The following KCNQ3 variants were observed in gnomAD, a reference collection of about 807,000 sequenced individuals.
The protein encoded by KCNQ3 is potassium voltage-gated channel subfamily KQT member 3.
A neutral mutation model predicts 92.5 loss-of-function variants in KCNQ3; 30 were observed. That is an observed-to-expected ratio of 0.32 (90% CI 0.24 to 0.44). The LOEUF is 0.44. KCNQ3 is among the 20% of genes least tolerant of loss of function. KCNQ3 has a pLI of 1.00. For missense variants in KCNQ3, 913 were observed against 1,140.3 expected (o/e 0.80, Z 2.87); for synonymous variants, 450 against 468.8 (o/e 0.96, Z 0.52).
At chr8:132,285,435 T>C (rs1183881949) in intron 1 of KCNQ3, among the ~76,000 whole-genome samples, 1 of 152,244 alleles carries the variant, frequency 6.6e-6, no homozygotes, top group Admixed American at 6.5e-5. Context: ...ATGCACTGTG[T>C]CCATGCCCTA....
intron 1 of KCNQ3, among the ~76,000 whole-genome samples, chr8:132,192,487 G>A (rs373318596): frequency 1.3e-5 from 2 of 152,194 alleles, no homozygotes; most frequent in African/African-American, 4.8e-5. Context: ...GTCTTGACGT[G>A]AGAGCCGCCC....
chr8:132,478,181 A>G (rs1287808590), intron 1 of KCNQ3, among the ~76,000 whole-genome samples: 12 of 152,174 alleles, frequency 7.9e-5, no homozygotes, highest in Admixed American at 7.9e-4. Flanking sequence ...AGGTTTTGGC[A>G]TTATCAAATC....
At chr8:132,191,483 T>C (rs1338244067) in intron 1 of KCNQ3, among the ~76,000 whole-genome samples, 1 of 151,782 alleles carries the variant, frequency 6.6e-6, no homozygotes, top group African/African-American at 2.4e-5. Flanking sequence ...CCTATCTACC[T>C]ATCTATCCAC....
At chr8:132,143,487 T>C (rs1563770190) in intron 9 of KCNQ3, among the ~76,000 whole-genome samples, 1 of 152,166 alleles carries the variant, frequency 6.6e-6, no homozygotes, top group Non-Finnish European at 1.5e-5. Context: ...CATCTGAATG[T>C]TCAGTACGGC....
At chr8:132,287,256 G>A (rs1816704167) in intron 1 of KCNQ3, among the ~76,000 whole-genome samples, 1 of 152,186 alleles carries the variant, frequency 6.6e-6, no homozygotes, top group Admixed American at 6.5e-5. Context: ...CAAATAAGAT[G>A]CCTTTAAGGG....
chr8:132,121,297 A>G lies in KCNQ3; in HGVS notation c.*7965T>C, dbSNP rs1394460812. ...AAAAAGAAGGAAAAAAAATAGCCAT[A>G]TCCTATCTGAAGCAAGGCAGAGATC... On this transcript the variant is annotated 3_prime_UTR_variant, in exon 15 of 15. Coordinates refer to ENST00000388996, the MANE Select transcript of KCNQ3 (RefSeq NM_004519.4). The G allele has an allele frequency of 6.6e-6, 1 of 152,246 alleles. No homozygotes were observed. The highest frequency in any genetic ancestry group is 1.5e-5 in the Non-Finnish European group (1 of 68,042). The allele number at this position is 152,246 out of a possible 1,614,324, so 9.4% of individuals were successfully genotyped here. A position where few individuals can be genotyped will look rare whatever the true frequency, so the allele number is the denominator to read the frequency against.
At chr8:132,163,317 G>GC (rs1586787791) in intron 9 of KCNQ3, 151 bp downstream of exon 9, 1 of 727,020 alleles carries the variant, frequency 1.4e-6, no homozygotes, top group East Asian at 2.5e-5. Context: ...AGGAAACCAG[G>GC]CAGAGGACTA....
chr8:132,190,946 C>G (rs1383294963), intron 1 of KCNQ3, among the ~76,000 whole-genome samples: 3 of 152,192 alleles, frequency 2.0e-5, no homozygotes, highest in Admixed American at 2.0e-4. Context: ...TTGTTCCTCT[C>G]TGTATCTCAG....
At chr8:132,357,472 G>T (rs1819048917) in intron 1 of KCNQ3, among the ~76,000 whole-genome samples, 1 of 152,232 alleles carries the variant, frequency 6.6e-6, no homozygotes, top group African/African-American at 2.4e-5. Flanking sequence ...CAATGATTGT[G>T]CTGGCACCAG....
chr8:132,129,550 C>A lies in KCNQ3; in HGVS notation c.2331G>T (p.Arg777=). ...QGPYSDRISP[R]QRRSITRDSD... Reference sequence around the variant, plus strand: ...TGTCTCGCGTGATGCTACGTCTCTGCCGGGGGGAGATTCGGTCCGAGTAGG... The same window carrying A: ...TGTCTCGCGTGATGCTACGTCTCTGACGGGGGGAGATTCGGTCCGAGTAGG... The change falls in exon 15 of 15, where the codon CGG becomes CGT. Residue 777 remains arginine (R), a synonymous_variant. Coordinates refer to ENST00000388996, the MANE Select transcript of KCNQ3 (RefSeq NM_004519.4). The surrounding 1 kb of genome is among the most constrained non-coding windows in gnomAD (Gnocchi z 5.9). 4 of 1,614,162 alleles carry A rather than the reference C, an allele frequency of 2.5e-6. No homozygotes were observed. Among genetic ancestry groups the A allele is most frequent in the Non-Finnish European group, 3.4e-6 (4 of 1,180,026 alleles).
chr8:132,394,569 G>A (rs1215885696), intron 1 of KCNQ3, among the ~76,000 whole-genome samples: 1 of 152,010 alleles, frequency 6.6e-6, no homozygotes, highest in Non-Finnish European at 1.5e-5. Context: ...TGAAGGACCT[G>A]AGAGAACTTC....
intron 1 of KCNQ3, among the ~76,000 whole-genome samples, chr8:132,289,245 T>G (rs1279165087): frequency 6.6e-6 from 1 of 152,218 alleles, no homozygotes; most frequent in Non-Finnish European, 1.5e-5. Context: ...GGCATGCCAA[T>G]TTAAAATGTA....
At chr8:132,355,180 T>G (rs1818986111) in intron 1 of KCNQ3, among the ~76,000 whole-genome samples, 1 of 152,138 alleles carries the variant, frequency 6.6e-6, no homozygotes, top group Non-Finnish European at 1.5e-5. Flanking sequence ...TCCTTTACCT[T>G]AATGCAGAGC....
In KCNQ3 at chr8:132,127,360, G is replaced by A. The variant is rs1824705489; in HGVS notation, c.*1902C>T. ...GTCTGCCCTTGGCCTGGGACTTTGG[G>A]CTTTGGTTCTAAGTTCCTAAAGTCA... On this transcript the variant is annotated 3_prime_UTR_variant, in exon 15 of 15. Transcript: ENST00000388996. 1 of 152,230 alleles carries A rather than the reference G, an allele frequency of 6.6e-6. No homozygotes were observed. Among genetic ancestry groups the A allele is most frequent in the African/African-American group, 2.4e-5 (1 of 41,446 alleles). The allele number at this position is 152,230 out of a possible 1,614,324, so 9.4% of individuals were successfully genotyped here.
chr8:132,192,203 G>T (rs1159484709), intron 1 of KCNQ3, among the ~76,000 whole-genome samples: 1 of 152,162 alleles, frequency 6.6e-6, no homozygotes, highest in Non-Finnish European at 1.5e-5. Flanking sequence ...GCCAGGAGGG[G>T]GCAGCAGAGG....
intron 1 of KCNQ3, among the ~76,000 whole-genome samples, chr8:132,316,756 C>T (rs185429441): frequency 2.8e-3 from 419 of 152,304 alleles, no homozygotes; most frequent in African/African-American, 9.5e-3. Flanking sequence ...GGCAGTTCTA[C>T]GAACCAGACA....
chr8:132,253,949 GCATAAA>G lies in KCNQ3; in HGVS notation c.387-67774_387-67769del, dbSNP rs1328606222. 5.9e-5 allele frequency among the ~76,000 whole-genome samples: 9 copies of G among 152,306 alleles called. No homozygotes were observed. In the East Asian group the frequency reaches 1.7e-3, roughly 29 times the overall value. On this transcript the variant is annotated intron_variant, in intron 1 of 14. Transcript: ENST00000388996. ...GTTACCCACATTCTAAAGTTCAAGT[GCATAAA>G]CAGCCCAGGTGGAGAAAGCAGATGG...
intron 1 of KCNQ3, chr8:132,321,398 G>C (rs917610654): frequency 1.2e-4 from 19 of 152,432 alleles, no homozygotes; most frequent in Admixed American, 1.2e-3. Flanking sequence ...GGTGGATCAC[G>C]AACACTATTT....
chr8:132,355,892 T>C (rs1278653652), intron 1 of KCNQ3, among the ~76,000 whole-genome samples: 2 of 152,204 alleles, frequency 1.3e-5, no homozygotes, highest in East Asian at 1.9e-4. Flanking sequence ...ACTCCAAAGA[T>C]TGCATGGATT....
Sources: allele counts gnomAD v4.1 joint callset (sites outside exome capture counted in the v4.1 genomes callset), GRCh38; gene constraint gnomAD v4.1.1; non-coding constraint Gnocchi (gnomAD v3.1); transcripts MANE v1.5; gene names NCBI Gene and HGNC (gene_info 2026-07-23, HGNC 2026-07-21).